Variants in FAT3 observed in about 807,000 individuals in gnomAD.
FAT3 encodes protocadherin Fat 3.
Under a neutral mutation model 310.2 loss-of-function variants are expected in FAT3, and 95 were observed. The observed-to-expected ratio is 0.31, with a 90% confidence interval of 0.26 to 0.36. FAT3 has a LOEUF of 0.36. Among genes scored for constraint, FAT3 ranks in the 10% least tolerant of loss-of-function variants. The probability of loss-of-function intolerance (pLI) is 1.00; values close to 1 mark genes in which losing one functional copy is unlikely to be tolerated. For missense variants in FAT3, 5,408 were observed against 5,715.6 expected (o/e 0.95, Z 1.74); for synonymous variants, 2,314 against 2,192.9 (o/e 1.06, Z -1.54).
At chr11:92,548,042 A>G (rs1246940181) in intron 3 of FAT3, among the ~76,000 whole-genome samples, 1 of 152,182 alleles carries the variant, frequency 6.6e-6, no homozygotes, top group Non-Finnish European at 1.5e-5. Context: ...GATTTATAGA[A>G]TATTTGTTCC....
Position 92,628,015 on chromosome 11 carries a change from A to G in FAT3, c.3608-69369A>G, listed in dbSNP as rs190085647. ...CTCAGAAATGTTGACTCGCCCAGCC[A>G]CCATTTCCTCATTTGACACACAGGT... On this transcript the variant is annotated intron_variant, in intron 3 of 27. Coordinates refer to ENST00000525166, the MANE Select transcript of FAT3 (RefSeq NM_001367949.2). Among the ~76,000 whole-genome samples, 659 of 152,272 alleles carry G rather than the reference A, an allele frequency of 4.3e-3. 22 individuals carry two copies. Among genetic ancestry groups the G allele is most frequent in the Admixed American group, 0.04 (609 of 15,296 alleles).
At chr11:92,544,967 T>G (rs1731019745) in intron 3 of FAT3, among the ~76,000 whole-genome samples, 1 of 152,212 alleles carries the variant, frequency 6.6e-6, no homozygotes, top group Non-Finnish European at 1.5e-5. Flanking sequence ...TACAGATGCT[T>G]AAAGAAATTT....
chr11:92,350,804 A>G (rs1406294840), intron 1 of FAT3, among the ~76,000 whole-genome samples: 2 of 152,196 alleles, frequency 1.3e-5, no homozygotes, highest in Non-Finnish European at 2.9e-5. Flanking sequence ...ACATCATTAC[A>G]TGCCTGCAAA....
rs189152414 is a variant in FAT3 at position 92,390,631 on chromosome 11, T to C, written c.3292+35227T>C. 2.0e-5 allele frequency among the ~76,000 whole-genome samples: 3 copies of C among 152,256 alleles called. No homozygotes were observed. In the East Asian group the frequency reaches 5.8e-4, roughly 29 times the overall value. On this transcript the variant is annotated intron_variant, in intron 2 of 27. Transcript: ENST00000525166. ...CTAAGTTTGGGCATTCTCCTTTTTC[T>C]ATAAGGAGAATGAGGAACAGGATTG...
At chr11:92,596,654 C>T (rs549539045) in intron 3 of FAT3, among the ~76,000 whole-genome samples, 1 of 152,298 alleles carries the variant, frequency 6.6e-6, no homozygotes, top group Non-Finnish European at 1.5e-5. Context: ...ATAAGAACAA[C>T]AAACCTCCTT....
intron 3 of FAT3, among the ~76,000 whole-genome samples, chr11:92,595,364 T>G (rs924017890): frequency 3.9e-5 from 6 of 152,200 alleles, no homozygotes; most frequent in Admixed American, 3.3e-4. Context: ...AAGGCTGGAA[T>G]CTGTTGAATT....
intron 3 of FAT3, among the ~76,000 whole-genome samples, chr11:92,611,564 T>C (rs1940564197): frequency 6.6e-6 from 1 of 152,146 alleles, no homozygotes; most frequent in South Asian, 2.1e-4. Context: ...CAGCTAACTT[T>C]TGTATTTTTA....
At chr11:92,592,139 C>T (rs1249714937) in intron 3 of FAT3, among the ~76,000 whole-genome samples, 1 of 151,848 alleles carries the variant, frequency 6.6e-6, no homozygotes, top group Non-Finnish European at 1.5e-5. Flanking sequence ...GTAACTTATG[C>T]TCAGTTTTTC....
chr11:92,864,146 T>C (rs1949181774), intron 21 of FAT3, among the ~76,000 whole-genome samples: 1 of 152,226 alleles, frequency 6.6e-6, no homozygotes, highest in Admixed American at 6.5e-5. Flanking sequence ...ATCAGAGTCC[T>C]GTCATTTCTC....
At chr11:92,478,099 G>T (rs185359641) in intron 2 of FAT3, among the ~76,000 whole-genome samples, 267 of 152,312 alleles carry the variant, frequency 1.8e-3, no homozygotes, top group African/African-American at 6.1e-3. Flanking sequence ...TTAAACACTG[G>T]CTATGTGAGG....
chr11:92,683,586 C>T (rs557936229), intron 3 of FAT3, among the ~76,000 whole-genome samples: 11 of 152,282 alleles, frequency 7.2e-5, no homozygotes, highest in Non-Finnish European at 1.5e-4. Context: ...TAATTTCACC[C>T]GATCCTCTAA....
At chr11:92,541,399 T>G (rs1224126287) in intron 3 of FAT3, among the ~76,000 whole-genome samples, 1 of 152,186 alleles carries the variant, frequency 6.6e-6, no homozygotes, top group Non-Finnish European at 1.5e-5. Flanking sequence ...ATGGCAGAAA[T>G]TCTCCTAACT....
intron 1 of FAT3, among the ~76,000 whole-genome samples, chr11:92,246,779 C>G (rs1371304695): frequency 6.6e-6 from 1 of 152,076 alleles, no homozygotes; most frequent in Non-Finnish European, 1.5e-5. Flanking sequence ...ATACATCACA[C>G]TGTTATATGG....
Position 92,253,758 on chromosome 11 carries a change from A to C in FAT3, c.-18+28584A>C, listed in dbSNP as rs2134284064. 1.3e-5 allele frequency among the ~76,000 whole-genome samples: 2 copies of C among 152,252 alleles called. 1 individual carries two copies. The highest frequency in any genetic ancestry group is 1.3e-4 in the Admixed American group (2 of 15,280). On this transcript the variant is annotated intron_variant, in intron 1 of 27. Transcript: ENST00000525166. ...TGGTTTAGTCATATTTTTTCTCCCT[A>C]GTACTTTTTTAAGAGGTGAGTTTTA...
intron 4 of FAT3, among the ~76,000 whole-genome samples, chr11:92,711,304 T>C (rs966310026): frequency 6.6e-6 from 1 of 152,216 alleles, no homozygotes; most frequent in African/African-American, 2.4e-5. Context: ...ATTCAATATG[T>C]TACTTTTTTC....
intron 1 of FAT3, among the ~76,000 whole-genome samples, chr11:92,285,515 G>A (rs1946539487): frequency 6.6e-6 from 1 of 152,100 alleles, no homozygotes; most frequent in South Asian, 2.1e-4. Context: ...TCTATTGAGG[G>A]GAGTATCCCA....
In FAT3 at chr11:92,866,913, C is replaced by T. The variant is rs1949262071; in HGVS notation, c.11831C>T (p.Pro3944Leu). 3.1e-6 allele frequency: 5 copies of T among 1,613,970 alleles called. No individual in the cohort carries two copies. The highest frequency in any genetic ancestry group is 4.2e-6 in the Non-Finnish European group (5 of 1,179,894). The change falls in exon 22 of 28, where the codon CCC becomes CTC. Residue 3944 changes from proline (P) to leucine (L), a missense_variant. Pro to Leu is a moderately conservative substitution (Grantham distance 98, BLOSUM62 -3). This residue lies in a region of FAT3 where 4,588 missense variants were observed against 4,809.8 expected (regional missense o/e 0.95). Coordinates refer to ENST00000525166, the MANE Select transcript of FAT3 (RefSeq NM_001367949.2). ...AGCTACGTGGAGCGGCGCCGGGCGC[C>T]CCTCTACTTCCAGACGCTGAGCACT... ...DDSYVERRRA[P>L]LYFQTLSTES...
At chr11:92,770,774 T>G (rs940045074) in intron 6 of FAT3, among the ~76,000 whole-genome samples, 1 of 152,184 alleles carries the variant, frequency 6.6e-6, no homozygotes, top group Non-Finnish European at 1.5e-5. Flanking sequence ...CTTCGTACCC[T>G]TCTTTAAAGA....
rs2136415565 is a variant in FAT3 at position 92,883,204 on chromosome 11, G to A, written c.12748G>A (p.Asp4250Asn). ...CFQSDSRSNL[D>N]KIVDGLGGEH... ...CCAGAGTGACTCCAGGAGCAACCTG[G>A]ATAAGATCGTGGACGGGCTGGGAGG... The change falls in exon 24 of 28, where the codon GAT (aspartate) becomes AAT (asparagine). Residue 4250 changes from aspartate to asparagine, a missense_variant. Asp to Asn is a conservative substitution (Grantham distance 23, BLOSUM62 1). Transcript: ENST00000525166. The surrounding 1 kb of genome is among the most constrained non-coding windows in gnomAD (Gnocchi z 4.2). The A allele has an allele frequency of 6.2e-7, 1 of 1,613,312 alleles. No individual in the cohort carries two copies. Among genetic ancestry groups the A allele is most frequent in the Non-Finnish European group, 8.5e-7 (1 of 1,179,832 alleles).
Sources: allele counts gnomAD v4.1 joint callset (sites outside exome capture counted in the v4.1 genomes callset), GRCh38; gene constraint gnomAD v4.1.1; regional missense constraint gnomAD v4.1.1; non-coding constraint Gnocchi (gnomAD v3.1); transcripts MANE v1.5; gene names NCBI Gene and HGNC (gene_info 2026-07-23, HGNC 2026-07-21).